Variants in RAPGEF2 observed in about 807,000 individuals in gnomAD.
The protein encoded by RAPGEF2 is Rap guanine nucleotide exchange factor 2.
RAPGEF2 carries 54 observed loss-of-function variants against 186.7 expected under a neutral mutation model. The observed-to-expected ratio is 0.29, with a 90% confidence interval of 0.23 to 0.36. The LOEUF is 0.36. Among genes scored for constraint, RAPGEF2 ranks in the 10% least tolerant of loss-of-function variants. The pLI is 1.00. For missense variants in RAPGEF2, 1,532 were observed against 2,045.0 expected (o/e 0.75, Z 4.84); for synonymous variants, 712 against 705.9 (o/e 1.01, Z -0.14).
rs1247228780 is a variant in RAPGEF2, at chr4:159,353,839, C to G, written c.4444C>G (p.Gln1482Glu). 6.2e-7 allele frequency: 1 copy of G among 1,614,186 alleles called. No homozygotes were observed. Residue 1482 changes from glutamine (Q) to glutamate (E), a missense_variant, in exon 28 of 30, where the codon CAG becomes GAG. By Grantham distance (29) the Gln-to-Glu change is conservative. Around this residue, in one of 4 missense-constraint regions of RAPGEF2, gnomAD observed 594 missense variants for 608.5 expected, o/e 0.98. Coordinates refer to ENST00000691494, the MANE Select transcript of RAPGEF2 (RefSeq NM_001394067.2). The surrounding 1 kb of genome is among the most constrained non-coding windows in gnomAD (Gnocchi z 4.3). ...NQSRESLEQA[Q>E]SRASWASSTG... ...AAGTAGAGAGAGCCTTGAACAAGCC[C>G]AGTCCCGAGCAAGCTGGGCGTCTTC...
chr4:159,210,155 G>C (rs540895126), intron 3 of RAPGEF2, among the ~76,000 whole-genome samples: 2 of 152,294 alleles, frequency 1.3e-5, no homozygotes, highest in African/African-American at 4.8e-5. Flanking sequence ...ATTAGAAATA[G>C]TAAGTTTCAC....
intron 7 of RAPGEF2, among the ~76,000 whole-genome samples, chr4:159,281,602 C>T (rs546022876): frequency 2.1e-3 from 304 of 142,370 alleles, no homozygotes; most frequent in Non-Finnish European, 3.5e-3. Context: ...ACCCAGGAGG[C>T]GGAGGTTGCA....
At chr4:159,162,395 TAAAAA>T (rs79478746) in intron 1 of RAPGEF2, among the ~76,000 whole-genome samples, 1 of 133,474 alleles carries the variant, frequency 7.5e-6, no homozygotes, top group South Asian at 2.4e-4. Context: ...TACTGTCTCT[TAAAAA>T]AAAAAAAAAA....
chr4:159,247,755 CTTTT>C (rs56053207), intron 7 of RAPGEF2, among the ~76,000 whole-genome samples: 7,529 of 83,606 alleles, frequency 0.09, 152 homozygotes, highest in Non-Finnish European at 0.098. Context: ...TAATTTGTTT[CTTTT>C]TTTTTTTTTT....
intron 3 of RAPGEF2, among the ~76,000 whole-genome samples, chr4:159,198,312 T>TTCTTTC (rs1561075049): frequency 3.2e-5 from 2 of 62,096 alleles, no homozygotes; most frequent in African/African-American, 2.6e-4. Context: ...CTTTCTTTCT[T>TTCTTTC]TCTTTCTTTC....
intron 8 of RAPGEF2, among the ~76,000 whole-genome samples, chr4:159,312,590 C>G (rs888087299): frequency 2.0e-5 from 3 of 152,162 alleles, no homozygotes; most frequent in African/African-American, 7.2e-5. Flanking sequence ...TGGCTTATTA[C>G]TCTCCTGCCT....
chr4:159,108,213 GTCGCCT>G (rs1431757147), intron 1 of RAPGEF2, among the ~76,000 whole-genome samples: 1 of 152,134 alleles, frequency 6.6e-6, no homozygotes, highest in African/African-American at 2.4e-5. Context: ...TAGAACCTTA[GTCGCCT>G]TCAAATAACC....
intron 7 of RAPGEF2, among the ~76,000 whole-genome samples, chr4:159,294,148 TTAA>T (rs1761608153): frequency 6.6e-6 from 1 of 152,170 alleles, no homozygotes; most frequent in Non-Finnish European, 1.5e-5. Context: ...TAATTATGGG[TTAA>T]TGTTTTTAAT....
intron 29 of RAPGEF2, 35 bp from the exon 30 acceptor site, chr4:159,358,079 C>T: frequency 6.2e-7 from 1 of 1,604,058 alleles, no homozygotes; most frequent in Non-Finnish European, 8.5e-7. Flanking sequence ...CTTGCTTGCT[C>T]ATTGATTTCT....
In RAPGEF2 at chr4:159,298,112, G is replaced by A. The variant is rs115661336; in HGVS notation, c.544-6230G>A. On this transcript the variant is annotated intron_variant, in intron 7 of 29. Coordinates refer to ENST00000691494, the MANE Select transcript of RAPGEF2 (RefSeq NM_001394067.2). Reference sequence around the variant, plus strand: ...ATTTTTGCAGACCTATTCTTATAAAGCATAGTTACATCAACACCTTAAAAA... The same window carrying A: ...ATTTTTGCAGACCTATTCTTATAAAACATAGTTACATCAACACCTTAAAAA... 1.2e-3 allele frequency among the ~76,000 whole-genome samples: 180 copies of A among 152,234 alleles called. 1 individual carries two copies. Among genetic ancestry groups the A allele is most frequent in the African/African-American group, 4.2e-3 (175 of 41,534 alleles).
At position 159,154,529 on chromosome 4, in the gene RAPGEF2, A is replaced by C. The variant is rs1223858397; in HGVS notation, c.70-32113A>C. ...CCTTTTTTTTTTTTTTAAAAAAAAC[A>C]ACCACCAAAAAACAAATTGAGATTA... On this transcript the variant is annotated intron_variant, in intron 1 of 29. Transcript: ENST00000691494. Among the ~76,000 whole-genome samples the C allele has an allele frequency of 1.3e-4, 20 of 149,502 alleles. No individual in the cohort carries two copies. The East Asian group carries it at 3.1e-3, about 23-fold the overall frequency.
At chr4:159,285,416 G>T (rs576522354) in intron 7 of RAPGEF2, among the ~76,000 whole-genome samples, 36 of 152,258 alleles carry the variant, frequency 2.4e-4, no homozygotes, top group African/African-American at 7.7e-4. Context: ...TGCTAATCCT[G>T]TTGATAAAAT....
At chr4:159,248,683 G>A (rs747518456) in intron 7 of RAPGEF2, among the ~76,000 whole-genome samples, 5 of 152,148 alleles carry the variant, frequency 3.3e-5, no homozygotes, top group African/African-American at 9.7e-5. Context: ...AGGTATTTAC[G>A]TTGATTTAAT....
In RAPGEF2 at chr4:159,207,241, A is replaced by G. The variant is rs189282673; in HGVS notation, c.198-3259A>G. Among the ~76,000 whole-genome samples, 3 of 152,316 alleles carry G rather than the reference A, an allele frequency of 2.0e-5. No homozygotes were observed. The East Asian group carries it at 5.8e-4, about 29-fold the overall frequency. Reference sequence around the variant, plus strand: ...ACCTTCACATCCTCAAATCTTTCCCATGGATTTCCTGATATAAAGAGTCAA... The same window carrying G: ...ACCTTCACATCCTCAAATCTTTCCCGTGGATTTCCTGATATAAAGAGTCAA... On this transcript the variant is annotated intron_variant, in intron 3 of 29. Transcript: ENST00000691494.
chr4:159,107,049 C>T (rs1737963339), intron 1 of RAPGEF2, among the ~76,000 whole-genome samples: 2 of 152,146 alleles, frequency 1.3e-5, no homozygotes, highest in Admixed American at 6.5e-5. Flanking sequence ...CACTATTTCA[C>T]CTGATATTGT....
At position 159,104,012 on chromosome 4, in the gene RAPGEF2, C is replaced by A. The variant is rs545604555; in HGVS notation, c.-151C>A. 4.0e-3 allele frequency: 757 copies of A among 191,070 alleles called. 4 individuals carry two copies. The highest frequency in any genetic ancestry group is 0.017 in the African/African-American group (714 of 41,838). The allele number at this position is 191,070 out of a possible 1,614,324, so 11.8% of individuals were successfully genotyped here. The stretch of plus-strand genomic sequence containing the variant: ...GCCGGGCCCAGCCGAGCCGCCCCCC[C>A]GCGGGCCCCGCGCCGCCGCCGCCGC... On this transcript the variant is annotated 5_prime_UTR_variant, in exon 1 of 30. Transcript: ENST00000691494.
At chr4:159,355,104 T>C (rs1029258063) in intron 28 of RAPGEF2, among the ~76,000 whole-genome samples, 2 of 152,230 alleles carry the variant, frequency 1.3e-5, no homozygotes, top group African/African-American at 4.8e-5. Context: ...CAACTAATAC[T>C]CAGAATTTTT....
At chr4:159,207,624 A>G (rs1200095086) in intron 3 of RAPGEF2, among the ~76,000 whole-genome samples, 1 of 152,236 alleles carries the variant, frequency 6.6e-6, no homozygotes, top group Non-Finnish European at 1.5e-5. Flanking sequence ...GCAGCAGCCT[A>G]GTAACTTGCC....
intron 1 of RAPGEF2, among the ~76,000 whole-genome samples, chr4:159,177,640 C>T (rs1176727475): frequency 2.0e-5 from 3 of 152,120 alleles, no homozygotes; most frequent in Non-Finnish European, 4.4e-5. Context: ...TATTTGAGAT[C>T]TCCTAAATAA....
Sources: allele counts gnomAD v4.1 joint callset (sites outside exome capture counted in the v4.1 genomes callset), GRCh38; gene constraint gnomAD v4.1.1; regional missense constraint gnomAD v4.1.1; non-coding constraint Gnocchi (gnomAD v3.1); transcripts MANE v1.5; gene names NCBI Gene and HGNC (gene_info 2026-07-23, HGNC 2026-07-21).